The following CTNNA3 variants were observed in gnomAD, a reference collection of about 807,000 sequenced individuals.
The protein encoded by CTNNA3 is catenin alpha 3.
CTNNA3 carries 76 observed loss-of-function variants against 95.7 expected under a neutral mutation model. The ratio of observed to expected loss-of-function variants is 0.79; its 90% CI spans 0.66 to 0.96. The LOEUF is 0.96. Among genes scored for constraint, CTNNA3 ranks in the 40% least tolerant of loss-of-function variants. The pLI is 0.00. For missense variants in CTNNA3, 1,191 were observed against 1,089.8 expected, an observed-to-expected ratio of 1.09 and a Z score of -1.31; for synonymous variants, 431 against 374.4, an observed-to-expected ratio of 1.15 and a Z score of -1.74.
At chr10:66,225,755 A>G (rs2089250141) in intron 13 of CTNNA3, among the ~76,000 whole-genome samples, 1 of 151,792 alleles carries the variant, frequency 6.6e-6, no homozygotes, top group African/African-American at 2.4e-5. Context: ...TTTTTTTTTA[A>G]TAACAGCCAT....
intron 7 of CTNNA3, among the ~76,000 whole-genome samples, chr10:67,143,101 A>T (rs1276066345): frequency 6.6e-6 from 1 of 151,840 alleles, no homozygotes; most frequent in African/African-American, 2.4e-5. Flanking sequence ...AAAATGAAAC[A>T]ACAATGGAGT....
At chr10:67,075,262 T>C (rs1206722517) in intron 7 of CTNNA3, among the ~76,000 whole-genome samples, 5 of 151,768 alleles carry the variant, frequency 3.3e-5, no homozygotes, top group African/African-American at 1.2e-4. Flanking sequence ...AAATCTTAAA[T>C]TAAAAAAAAA....
At chr10:66,835,137 G>A (rs1203175440) in intron 7 of CTNNA3, among the ~76,000 whole-genome samples, 1 of 152,148 alleles carries the variant, frequency 6.6e-6, no homozygotes, top group Non-Finnish European at 1.5e-5. Context: ...ACAGTAAATG[G>A]AGGGCTCAGC....
intron 14 of CTNNA3, among the ~76,000 whole-genome samples, chr10:66,095,749 C>T (rs997083078): frequency 1.3e-5 from 2 of 151,924 alleles, no homozygotes; most frequent in Non-Finnish European, 2.9e-5. Flanking sequence ...ATTTGATATG[C>T]TCCAGTTCAT....
chr10:66,622,161 G>A (rs1353910154), intron 9 of CTNNA3, among the ~76,000 whole-genome samples: 1 of 152,070 alleles, frequency 6.6e-6, no homozygotes, highest in South Asian at 2.1e-4. Context: ...TTTTAAATTT[G>A]TAATTGGTTT....
chr10:66,023,298 C>T (rs899531731), intron 15 of CTNNA3, among the ~76,000 whole-genome samples: 2 of 152,144 alleles, frequency 1.3e-5, no homozygotes, highest in African/African-American at 2.4e-5. Context: ...AGGAATCAGT[C>T]ACAACTTTGC....
chr10:66,798,191 C>G (rs4460710), intron 7 of CTNNA3, among the ~76,000 whole-genome samples: 1,582 of 151,834 alleles, frequency 0.01, 30 homozygotes, highest in African/African-American at 0.035. Context: ...TCTCATTTAG[C>G]TAACACATAT....
chr10:66,228,636 T>C (rs2089440123), intron 13 of CTNNA3, among the ~76,000 whole-genome samples: 2 of 152,286 alleles, frequency 1.3e-5, no homozygotes, highest in South Asian at 2.1e-4. Context: ...AAATCTTCTC[T>C]ACTTGTATAT....
At chr10:67,093,536 G>A (rs536828175) in intron 7 of CTNNA3, among the ~76,000 whole-genome samples, 207 of 151,996 alleles carry the variant, frequency 1.4e-3, no homozygotes, top group African/African-American at 4.7e-3. Flanking sequence ...TTGTGAGTTG[G>A]TGACAGGAAG....
At chr10:66,389,800 A>G (rs1405170964) in intron 11 of CTNNA3, among the ~76,000 whole-genome samples, 1 of 151,948 alleles carries the variant, frequency 6.6e-6, no homozygotes, top group African/African-American at 2.4e-5. Flanking sequence ...GTACAGTGCC[A>G]TAATCATAGC....
chr10:66,019,614 T>G (rs1424403548), intron 15 of CTNNA3, among the ~76,000 whole-genome samples: 1 of 152,068 alleles, frequency 6.6e-6, no homozygotes, highest in Admixed American at 6.6e-5. Context: ...TATAATATAT[T>G]AAATGATCTA....
chr10:66,987,765 A>G (rs1850815459), intron 7 of CTNNA3, among the ~76,000 whole-genome samples: 1 of 152,214 alleles, frequency 6.6e-6, no homozygotes, highest in Non-Finnish European at 1.5e-5. Flanking sequence ...CATTTCTGTG[A>G]ATTTAGCTCA....
At chr10:67,691,127 C>T (rs1395538837) in intron 1 of CTNNA3, among the ~76,000 whole-genome samples, 6 of 152,252 alleles carry the variant, frequency 3.9e-5, no homozygotes, top group African/African-American at 7.2e-5. Context: ...CTCCCAACCA[C>T]GAGTGATCCA....
intron 7 of CTNNA3, among the ~76,000 whole-genome samples, chr10:67,152,541 AAG>A (rs1316795900): frequency 6.6e-6 from 1 of 152,216 alleles, no homozygotes; most frequent in East Asian, 1.9e-4. Flanking sequence ...TGAAATGACA[AAG>A]AATTCTAAAG....
intron 13 of CTNNA3, among the ~76,000 whole-genome samples, chr10:66,230,270 T>A (rs1357967778): frequency 6.6e-6 from 1 of 152,212 alleles, no homozygotes; most frequent in Non-Finnish European, 1.5e-5. Flanking sequence ...TCTTTCATGT[T>A]TTTCCTGTTC....
At chr10:67,021,593 T>C (rs998862481) in intron 7 of CTNNA3, among the ~76,000 whole-genome samples, 1 of 152,050 alleles carries the variant, frequency 6.6e-6, no homozygotes, top group Non-Finnish European at 1.5e-5. Flanking sequence ...AGTTATGTAG[T>C]GATATGAGAA....
intron 9 of CTNNA3, 29 bp from the exon 10 acceptor site, chr10:66,621,813 TA>T: frequency 7.1e-7 from 1 of 1,414,256 alleles, no homozygotes. Flanking sequence ...TAATGGAAAT[TA>T]TTTTAGATTA....
At chr10:66,911,581 T>C (rs1207088780) in intron 7 of CTNNA3, among the ~76,000 whole-genome samples, 2 of 152,178 alleles carry the variant, frequency 1.3e-5, no homozygotes, top group African/African-American at 4.8e-5. Context: ...TTATAAGAAA[T>C]AGACTAATCT....
In CTNNA3 at chr10:66,116,996, G is replaced by T. The variant is rs533100077; in HGVS notation, c.1885-13747C>A. 9.2e-5 allele frequency among the ~76,000 whole-genome samples: 14 copies of T among 152,226 alleles called. No individual in the cohort carries two copies. The South Asian group carries it at 1.9e-3, about 20-fold the overall frequency. ...TTACAATTCAACATGAAATTTGGGT[G>T]GGGATACAGAGCCAAACCATATCAC... On this transcript the variant is annotated intron_variant, in intron 13 of 17. Transcript: ENST00000433211.
Sources: allele counts gnomAD v4.1 joint callset (sites outside exome capture counted in the v4.1 genomes callset), GRCh38; gene constraint gnomAD v4.1.1; transcripts MANE v1.5; gene names NCBI Gene and HGNC (gene_info 2026-07-23, HGNC 2026-07-21).